C12orf42: variants seen among roughly 807,000 people sequenced by gnomAD.
C12orf42 encodes the protein uncharacterized protein C12orf42.
A neutral mutation model predicts 21.6 loss-of-function variants in C12orf42; 25 were observed. The observed-to-expected ratio is 1.16, with a 90% CI of 0.84 to 1.62. The LOEUF (loss-of-function observed/expected upper bound fraction) is 1.62, where lower values mean the gene tolerates loss of function less well. C12orf42 is among the 40% of genes most tolerant of loss of function. The pLI is 0.00. For synonymous variants in C12orf42, 174 were observed against 175.0 expected (o/e 0.99, Z 0.05); for missense variants, 483 against 459.3 (o/e 1.05, Z -0.47).
At chr12:103,055,215 G>T in the C12orf42 span, among the ~76,000 whole-genome samples, 1 of 151,754 alleles carries the variant, frequency 6.6e-6, no homozygotes, top group African/African-American at 2.4e-5. Context: ...TCTTTTTTGG[G>T]AGTTTCAACA....
At chr12:103,306,483 C>T (rs1340045021) in intron 4 of C12orf42, 138 bp from the exon 5 acceptor site, 1 of 1,008,324 alleles carries the variant, frequency 9.9e-7, no homozygotes, top group African/African-American at 1.6e-5. Flanking sequence ...AAATGACAGA[C>T]TAGGGTAGCT....
At chr12:103,148,597 A>G in the C12orf42 span, among the ~76,000 whole-genome samples, 1 of 151,988 alleles carries the variant, frequency 6.6e-6, no homozygotes, top group African/African-American at 2.4e-5. Flanking sequence ...TGGATTTGCT[A>G]GCAGATGTAA....
intron 4 of C12orf42, among the ~76,000 whole-genome samples, chr12:103,315,043 T>G (rs112514968): frequency 1.3e-5 from 2 of 152,078 alleles, no homozygotes; most frequent in Non-Finnish European, 2.9e-5. Flanking sequence ...CTGGACAAAT[T>G]TGAAGCCTCT....
intron 10 of C12orf42, among the ~76,000 whole-genome samples, chr12:103,256,143 CACGTATATAT>C (rs1478916527): frequency 1.3e-4 from 12 of 94,636 alleles, no homozygotes; most frequent in Admixed American, 7.2e-4. Flanking sequence ...CACACACACA[CACGTATATAT>C]ACACACATAT....
chr12:103,143,389 GT>G, the C12orf42 span, among the ~76,000 whole-genome samples: 3 of 152,204 alleles, frequency 2.0e-5, no homozygotes, highest in Admixed American at 6.5e-5. Context: ...CTGACTGGTA[GT>G]TTATCTTCGG....
At chr12:103,424,890 T>A (rs770591322) in intron 2 of C12orf42, among the ~76,000 whole-genome samples, 11 of 152,124 alleles carry the variant, frequency 7.2e-5, no homozygotes, top group Non-Finnish European at 1.6e-4. Context: ...GTGGTCTAGC[T>A]CAGCAGATCC....
At chr12:103,488,951 A>C (rs147884923) in intron 1 of C12orf42, among the ~76,000 whole-genome samples, 1 of 152,136 alleles carries the variant, frequency 6.6e-6, no homozygotes, top group East Asian at 1.9e-4. Context: ...ACTTCTGTCA[A>C]CTCATCAAAG....
chr12:103,191,735 T>C, the C12orf42 span, among the ~76,000 whole-genome samples: 2 of 90,208 alleles, frequency 2.2e-5, no homozygotes, highest in East Asian at 6.7e-4. Flanking sequence ...AGAGTGGGAC[T>C]CTGTGTCTAA....
At chr12:103,187,591 A>G in the C12orf42 span, among the ~76,000 whole-genome samples, 1 of 152,202 alleles carries the variant, frequency 6.6e-6, no homozygotes, top group Non-Finnish European at 1.5e-5. Context: ...TTTTCATATC[A>G]ATGAGAATGA....
chr12:103,349,732 A>G (rs1460040152), intron 4 of C12orf42, among the ~76,000 whole-genome samples: 1 of 152,184 alleles, frequency 6.6e-6, no homozygotes. Flanking sequence ...CAAACACTAA[A>G]TAACTTTACT....
the C12orf42 span, among the ~76,000 whole-genome samples, chr12:103,551,582 C>A: frequency 6.6e-6 from 1 of 152,046 alleles, no homozygotes. Context: ...TTTGGGAGGC[C>A]AAGGCAGATG....
chr12:103,137,299 C>G, the C12orf42 span, among the ~76,000 whole-genome samples: 1 of 151,334 alleles, frequency 6.6e-6, no homozygotes, highest in Non-Finnish European at 1.5e-5. Context: ...CAGGGAAACG[C>G]AGATCAAAAC....
chr12:103,257,624 A>G (rs2034678662), intron 10 of C12orf42, among the ~76,000 whole-genome samples: 1 of 151,890 alleles, frequency 6.6e-6, no homozygotes, highest in Non-Finnish European at 1.5e-5. Context: ...CAGTGTGGAA[A>G]ACACATAGTT....
At chr12:103,414,723 C>A (rs1345523606) in intron 2 of C12orf42, among the ~76,000 whole-genome samples, 1 of 152,158 alleles carries the variant, frequency 6.6e-6, no homozygotes, top group Non-Finnish European at 1.5e-5. Flanking sequence ...AGAAATACTA[C>A]TGATTTTTAT....
chr12:103,398,076 G>T (rs527412354), intron 3 of C12orf42, among the ~76,000 whole-genome samples: 1 of 152,098 alleles, frequency 6.6e-6, no homozygotes, highest in African/African-American at 2.4e-5. Flanking sequence ...AAAATAAAAG[G>T]TGTTTGCATT....
At chr12:103,057,816 A>T in the C12orf42 span, among the ~76,000 whole-genome samples, 3 of 152,162 alleles carry the variant, frequency 2.0e-5, no homozygotes, top group Non-Finnish European at 4.4e-5. Context: ...CACTGTCACC[A>T]ACAGTGTAAA....
intron 10 of C12orf42, among the ~76,000 whole-genome samples, chr12:103,260,109 G>T (rs1035429001): frequency 2.0e-5 from 3 of 152,056 alleles, no homozygotes; most frequent in African/African-American, 7.2e-5. Flanking sequence ...AAAAAAAATT[G>T]TACAATCTGA....
chr12:103,316,696 G>A (rs943642360), intron 4 of C12orf42, among the ~76,000 whole-genome samples: 1 of 151,812 alleles, frequency 6.6e-6, no homozygotes, highest in Non-Finnish European at 1.5e-5. Context: ...ATGTGTAACT[G>A]TTCACAAGTT....
At chr12:103,536,616 G>A in the C12orf42 span, among the ~76,000 whole-genome samples, 2 of 152,280 alleles carry the variant, frequency 1.3e-5, no homozygotes, top group East Asian at 3.9e-4. Context: ...CAACTGGGAT[G>A]AAAGAGAAGG....
Sources: gnomAD v4.1 joint callset for allele counts (sites outside exome capture counted in the v4.1 genomes callset) on GRCh38, gnomAD v4.1.1 for gene constraint, MANE v1.5 for transcripts, NCBI Gene and HGNC (gene_info 2026-07-23, HGNC 2026-07-21) for gene names.